The following LIMA1 variants were observed in gnomAD, a reference collection of about 807,000 sequenced individuals.
The protein encoded by LIMA1 is LIM domain and actin binding 1, also known as LIM domain and actin-binding protein 1.
In LIMA1, 52 loss-of-function variants were observed where a neutral mutation model predicts 62.6. That is an observed-to-expected ratio of 0.83 (90% CI 0.67 to 1.05). The LOEUF is 1.05. Among genes scored for constraint, LIMA1 ranks in the 50% least tolerant of loss-of-function variants. LIMA1 has a pLI of 0.00. For synonymous variants in LIMA1, 302 were observed against 317.8 expected, an observed-to-expected ratio of 0.95 and a Z score of 0.53; for missense variants, 780 against 902.2, an observed-to-expected ratio of 0.86 and a Z score of 1.74.
chr12:50,177,927 CTTCGTT>C lies in LIMA1; in HGVS notation c.1411_1416del (p.Asn471_Glu472del). The C allele has an allele frequency of 6.2e-7, 1 of 1,614,034 alleles. No homozygotes were observed. The highest frequency in any genetic ancestry group is 8.5e-7 in the Non-Finnish European group (1 of 1,179,996). ...AGCTGGGCTGGTCTCTCCAAAATCT[CTTCGTT>C]TTCATTTTTGCTTGCCCATAGATCC... On this transcript the variant is annotated inframe_deletion, in exon 11 of 11. Transcript: ENST00000341247.
At chr12:50,193,672 T>TC (rs1565833576) in intron 8 of LIMA1, among the ~76,000 whole-genome samples, 1 of 123,038 alleles carries the variant, frequency 8.1e-6, no homozygotes. Flanking sequence ...ATATATTTTT[T>TC]TTTTTTTTTT....
At chr12:50,183,975 TAAAG>T (rs1196141768) in intron 9 of LIMA1, among the ~76,000 whole-genome samples, 1 of 151,748 alleles carries the variant, frequency 6.6e-6, no homozygotes, top group Non-Finnish European at 1.5e-5. Context: ...AAAATGAAAA[TAAAG>T]AAATCTATAA....
rs1298795801 is a variant in LIMA1 at position 50,265,136 on chromosome 12, G to C, written c.-23-16362C>G. The stretch of plus-strand genomic sequence containing the variant: ...CCACTGCATTCCAGCCTGGGCAACA[G>C]AGTGAGACCGTCTCAAAAAAAAAAA... On this transcript the variant is annotated intron_variant, in intron 1 of 10. Coordinates refer to ENST00000341247, the MANE Select transcript of LIMA1 (RefSeq NM_016357.5). Among the ~76,000 whole-genome samples the C allele has an allele frequency of 2.0e-5, 3 of 149,262 alleles. No individual in the cohort carries two copies. The East Asian group carries it at 5.9e-4, about 29-fold the overall frequency.
chr12:50,221,352 C>T (rs1367332400), intron 4 of LIMA1, among the ~76,000 whole-genome samples: 1 of 152,174 alleles, frequency 6.6e-6, no homozygotes, highest in African/African-American at 2.4e-5. Context: ...ATATGTAACT[C>T]ATTTTCTAGT....
chr12:50,226,539 CAA>C (rs571742782), intron 3 of LIMA1, among the ~76,000 whole-genome samples: 66 of 151,942 alleles, frequency 4.3e-4, no homozygotes, highest in African/African-American at 1.5e-3. Context: ...TAGAAAAAAA[CAA>C]TAATGAAAAA....
intron 1 of LIMA1, among the ~76,000 whole-genome samples, chr12:50,270,162 G>C (rs2138694452): frequency 6.8e-6 from 1 of 147,638 alleles, no homozygotes; most frequent in East Asian, 2.0e-4. Flanking sequence ...TTGAACCCGG[G>C]TGGCAGAAGT....
chr12:50,213,752 G>C (rs1169048502), intron 4 of LIMA1, among the ~76,000 whole-genome samples: 1 of 152,178 alleles, frequency 6.6e-6, no homozygotes, highest in Non-Finnish European at 1.5e-5. Flanking sequence ...TTGTACTGGG[G>C]GGAGATGAAG....
chr12:50,212,705 G>A (rs959329244), intron 4 of LIMA1, among the ~76,000 whole-genome samples: 1 of 152,138 alleles, frequency 6.6e-6, no homozygotes, highest in Non-Finnish European at 1.5e-5. Flanking sequence ...TCCTTATATT[G>A]TACTAGTGGT....
chr12:50,200,136 C>T (rs1941014326), intron 7 of LIMA1, among the ~76,000 whole-genome samples: 1 of 152,174 alleles, frequency 6.6e-6, no homozygotes, highest in Non-Finnish European at 1.5e-5. Context: ...CTCAGATGAT[C>T]TGCCTGCCTT....
At chr12:50,193,277 C>CA (rs963093425) in intron 8 of LIMA1, among the ~76,000 whole-genome samples, 4 of 150,742 alleles carry the variant, frequency 2.7e-5, no homozygotes, top group African/African-American at 9.7e-5. Flanking sequence ...AAAATGATTG[C>CA]AAAAAAAGAA....
rs910645295 is a variant in LIMA1 at position 50,281,810 on chromosome 12, A to C, written c.-24+1610T>G. ...TTGTTTTTAAGGAAAAGCAGAAGAGAGAATTAAAAAACAAAACAAAACACC... is the reference window on the plus strand; with the variant it reads ...TTGTTTTTAAGGAAAAGCAGAAGAGCGAATTAAAAAACAAAACAAAACACC... On this transcript the variant is annotated intron_variant, in intron 1 of 10. Transcript: ENST00000341247. 7.2e-5 allele frequency among the ~76,000 whole-genome samples: 11 copies of C among 152,222 alleles called. No homozygotes were observed. The South Asian group carries it at 2.3e-3, about 32-fold the overall frequency.
intron 2 of LIMA1, among the ~76,000 whole-genome samples, chr12:50,233,422 G>A (rs1941641801): frequency 6.6e-6 from 1 of 152,166 alleles, no homozygotes; most frequent in South Asian, 2.1e-4. Flanking sequence ...ATTGTTCTCA[G>A]CCAAATGGTT....
At chr12:50,240,056 C>G (rs10747573) in intron 2 of LIMA1, among the ~76,000 whole-genome samples, 1 of 113,180 alleles carries the variant, frequency 8.8e-6, no homozygotes, top group Admixed American at 9.2e-5. Context: ...CATAACATAA[C>G]ATAAAATAAA....
intron 4 of LIMA1, among the ~76,000 whole-genome samples, chr12:50,209,567 C>CAAAAAAAAAAAAAAAAA (rs1203309856): frequency 1.6e-5 from 1 of 61,666 alleles, no homozygotes; most frequent in Non-Finnish European, 3.3e-5. Context: ...GACTCCATCT[C>CAAAAAAAAAAAAAAAAA]AAAAAAAAAA....
intron 1 of LIMA1, among the ~76,000 whole-genome samples, chr12:50,269,918 C>CAAAAA (rs1423265745): frequency 1.1e-5 from 1 of 88,134 alleles, no homozygotes; most frequent in Non-Finnish European, 2.3e-5. Flanking sequence ...AAAACTCCGT[C>CAAAAA]AAATAAAAAA....
intron 4 of LIMA1, among the ~76,000 whole-genome samples, chr12:50,206,836 C>T (rs1941162316): frequency 6.6e-6 from 1 of 152,168 alleles, no homozygotes; most frequent in Non-Finnish European, 1.5e-5. Flanking sequence ...TGTTGGGTGA[C>T]TGTCCCTCTA....
At chr12:50,183,865 GT>G (rs1280707668) in intron 9 of LIMA1, among the ~76,000 whole-genome samples, 2 of 148,494 alleles carry the variant, frequency 1.3e-5, no homozygotes, top group Non-Finnish European at 3.0e-5. Flanking sequence ...AATTCAGACT[GT>G]TGGTTCACTT....
intron 3 of LIMA1, among the ~76,000 whole-genome samples, chr12:50,226,160 C>G (rs1941524816): frequency 6.6e-6 from 1 of 152,118 alleles, no homozygotes; most frequent in African/African-American, 2.4e-5. Flanking sequence ...GATCCTGCCA[C>G]CTCTGCCTCC....
intron 10 of LIMA1, among the ~76,000 whole-genome samples, chr12:50,178,966 A>ATTTTTTTTTTTTT (rs1555203081): frequency 7.8e-6 from 1 of 128,924 alleles, no homozygotes; most frequent in East Asian, 2.1e-4. Flanking sequence ...ATATATATAT[A>ATTTTTTTTTTTTT]TTTTTTTTTT....
Sources: allele counts gnomAD v4.1 joint callset (sites outside exome capture counted in the v4.1 genomes callset), GRCh38; gene constraint gnomAD v4.1.1; transcripts MANE v1.5; gene names NCBI Gene and HGNC (gene_info 2026-07-23, HGNC 2026-07-21).